Variants in DPH6 observed in about 807,000 individuals in gnomAD.
DPH6 encodes diphthamine biosynthesis 6.
A neutral mutation model predicts 38.2 loss-of-function variants in DPH6; 33 were observed. That is an observed-to-expected ratio of 0.86 (90% CI 0.65 to 1.15). The LOEUF (loss-of-function observed/expected upper bound fraction) is 1.15, where lower values mean the gene tolerates loss of function less well. DPH6 is among the 50% of genes most tolerant of loss of function. The pLI, the probability that DPH6 is intolerant of heterozygous loss-of-function variation, is 0.00. For missense variants in DPH6, 325 were observed against 320.0 expected (o/e 1.02, Z -0.12); for synonymous variants, 108 against 103.0 (o/e 1.05, Z -0.30).
chr15:35,471,448 T>A (rs2141127252), intron 3 of DPH6, among the ~76,000 whole-genome samples: 2 of 152,134 alleles, frequency 1.3e-5, no homozygotes, highest in East Asian at 3.9e-4. Flanking sequence ...TCTAATTACT[T>A]CTCCCTCCAA....
intron 3 of DPH6, among the ~76,000 whole-genome samples, chr15:35,309,177 A>G (rs1032164148): frequency 2.6e-5 from 4 of 152,234 alleles, no homozygotes; most frequent in African/African-American, 9.6e-5. Context: ...GGCTCCTAAA[A>G]GATTCATTCC....
At chr15:35,417,750 C>A (rs1019862564) in intron 5 of DPH6, among the ~76,000 whole-genome samples, 8 of 151,982 alleles carry the variant, frequency 5.3e-5, no homozygotes, top group Admixed American at 2.0e-4. Context: ...ATATCCATTC[C>A]ATTTTCAATT....
At chr15:35,485,904 C>T (rs1225130780) in intron 3 of DPH6, among the ~76,000 whole-genome samples, 1 of 152,186 alleles carries the variant, frequency 6.6e-6, no homozygotes, top group Non-Finnish European at 1.5e-5. Context: ...TATCTTCCTC[C>T]AAATGGGTTC....
intron 3 of DPH6, among the ~76,000 whole-genome samples, chr15:35,529,943 A>AT (rs911324651): frequency 7.2e-5 from 11 of 151,976 alleles, no homozygotes; most frequent in South Asian, 4.2e-4. Context: ...CAATAATATC[A>AT]TTTTTTTTGA....
chr15:35,483,122 G>C (rs1204927161), intron 3 of DPH6, among the ~76,000 whole-genome samples: 1 of 152,004 alleles, frequency 6.6e-6, no homozygotes, highest in African/African-American at 2.4e-5. Flanking sequence ...TGGCCAATAA[G>C]TATATAAAAA....
chr15:35,315,439 T>C, intron 3 of DPH6, among the ~76,000 whole-genome samples: 1 of 152,242 alleles, frequency 6.6e-6, no homozygotes, highest in East Asian at 1.9e-4. Flanking sequence ...AGCATAGTTA[T>C]AATGGTTAAA....
At chr15:35,267,149 AC>A (rs1052177605) in intron 3 of DPH6, among the ~76,000 whole-genome samples, 2 of 152,208 alleles carry the variant, frequency 1.3e-5, no homozygotes, top group African/African-American at 4.8e-5. Context: ...AGTAAAAAAA[AC>A]AAAACTGAGA....
chr15:35,328,710 G>C (rs1404421466), downstream of DPH6, among the ~76,000 whole-genome samples: 2 of 152,162 alleles, frequency 1.3e-5, no homozygotes, highest in Non-Finnish European at 2.9e-5. Context: ...TTCCAAATAG[G>C]TAGGAAAATA....
chr15:35,194,899 A>T, the DPH6 span, among the ~76,000 whole-genome samples: 1 of 152,216 alleles, frequency 6.6e-6, no homozygotes, highest in African/African-American at 2.4e-5. Flanking sequence ...AAATTACCTT[A>T]AATATTTTCT....
intron 3 of DPH6, chr15:35,521,525 G>C: frequency 8.2e-7 from 1 of 1,221,292 alleles, no homozygotes; most frequent in Non-Finnish European, 1.0e-6. Flanking sequence ...ATGAAGAGTT[G>C]TGTTCAATTT....
chr15:35,154,297 ATACAAT>A, the DPH6 span, among the ~76,000 whole-genome samples: 1 of 151,750 alleles, frequency 6.6e-6, no homozygotes, highest in Admixed American at 6.6e-5. Context: ...CCATAAATAC[ATACAAT>A]TACAATGTGT....
At chr15:35,499,515 A>G (rs1268490741) in intron 3 of DPH6, among the ~76,000 whole-genome samples, 2 of 152,174 alleles carry the variant, frequency 1.3e-5, no homozygotes, top group Non-Finnish European at 1.5e-5. Flanking sequence ...ATCTGGGGAA[A>G]GGTTTAGGCA....
intron 3 of DPH6, among the ~76,000 whole-genome samples, chr15:35,461,737 A>G (rs542389795): frequency 6.6e-6 from 1 of 152,278 alleles, no homozygotes; most frequent in African/African-American, 2.4e-5. Flanking sequence ...ATATTCTTGT[A>G]TTTCTTAAAC....
chr15:35,476,162 T>TA (rs909410221), intron 3 of DPH6, among the ~76,000 whole-genome samples: 2 of 151,836 alleles, frequency 1.3e-5, no homozygotes, highest in African/African-American at 4.8e-5. Context: ...GATCTCATCA[T>TA]AAAAAATGCA....
chr15:35,180,909 T>C, the DPH6 span, among the ~76,000 whole-genome samples: 1 of 152,258 alleles, frequency 6.6e-6, no homozygotes, highest in Non-Finnish European at 1.5e-5. Flanking sequence ...ATTTTTAAAA[T>C]TCTGTTTTTA....
At chr15:35,204,710 C>G in the DPH6 span, among the ~76,000 whole-genome samples, 1 of 151,794 alleles carries the variant, frequency 6.6e-6, no homozygotes, top group Non-Finnish European at 1.5e-5. Context: ...CCATTCTAGA[C>G]TTTTTCTTTT....
intron 3 of DPH6, among the ~76,000 whole-genome samples, chr15:35,363,334 A>G (rs2052629387): frequency 1.3e-5 from 2 of 152,176 alleles, no homozygotes. Flanking sequence ...ATACAAATTA[A>G]GAATTGTTAT....
At chr15:35,157,679 G>A in the DPH6 span, among the ~76,000 whole-genome samples, 1 of 151,996 alleles carries the variant, frequency 6.6e-6, no homozygotes, top group African/African-American at 2.4e-5. Flanking sequence ...TTAATAACAA[G>A]AGACACACAG....
intron 6 of DPH6, 41 bp downstream of exon 6, chr15:35,410,794 C>T: frequency 2.0e-6 from 3 of 1,534,186 alleles, no homozygotes; most frequent in Non-Finnish European, 2.6e-6. Flanking sequence ...TTGTTTTCTC[C>T]TTTAGATGGC....
Sources: gnomAD v4.1 joint callset for allele counts (sites outside exome capture counted in the v4.1 genomes callset) on GRCh38, gnomAD v4.1.1 for gene constraint, MANE v1.5 for transcripts, NCBI Gene and HGNC (gene_info 2026-07-23, HGNC 2026-07-21) for gene names.